CFAP52: variants seen among roughly 807,000 people sequenced by gnomAD.
CFAP52 encodes cilia- and flagella-associated protein 52.
In CFAP52, 57 loss-of-function variants were observed where a neutral mutation model predicts 70.5. The observed-to-expected ratio is 0.81, with a 90% confidence interval of 0.65 to 1.01. CFAP52 has a LOEUF of 1.01. CFAP52 is among the 50% of genes least tolerant of loss of function. The pLI is 0.00. For missense variants in CFAP52, 785 were observed against 788.5 expected (o/e 1.00, Z 0.05); for synonymous variants, 267 against 292.5 (o/e 0.91, Z 0.89).
rs570753117 is a variant in CFAP52 at position 9,598,519 on chromosome 17, T to G, written c.636+186T>G. ...GCTCACGCCTGTAATCCCAGCATTT[T>G]GGGAGGCGGAGGTGGGTGAATCACT... On this transcript the variant is annotated intron_variant, in intron 5 of 13. Coordinates refer to ENST00000352665, the MANE Select transcript of CFAP52 (RefSeq NM_145054.5). 1.6e-3 allele frequency: 691 copies of G among 444,634 alleles called. 4 individuals carry two copies. The highest frequency in any genetic ancestry group is 0.012 in the African/African-American group (608 of 49,806). The allele number at this position is 444,634 out of a possible 1,614,324, so 27.5% of individuals were successfully genotyped here.
At chr17:9,595,092 C>T (rs1240462198) in intron 4 of CFAP52, among the ~76,000 whole-genome samples, 1 of 152,020 alleles carries the variant, frequency 6.6e-6, no homozygotes, top group Non-Finnish European at 1.5e-5. Context: ...GGTTTCACCA[C>T]ATTGGCCGGG....
At chr17:9,590,112 CT>C in intron 3 of CFAP52, 1 of 203,900 alleles carries the variant, frequency 4.9e-6, no homozygotes, top group South Asian at 1.0e-4. Context: ...TCCCCTCCAC[CT>C]TCAGGTACAA....
chr17:9,588,763 C>T (rs1446400741), intron 3 of CFAP52, among the ~76,000 whole-genome samples: 2 of 127,282 alleles, frequency 1.6e-5, no homozygotes, highest in Non-Finnish European at 3.1e-5. Flanking sequence ...ATTTTTTAGC[C>T]ACAGAAAAGA....
chr17:9,631,086 A>AAGAAAGAAAGAAAGAAAGAAAGAAAG (rs1567635059), intron 9 of CFAP52, among the ~76,000 whole-genome samples: 9 of 138,030 alleles, frequency 6.5e-5, no homozygotes, highest in Admixed American at 5.4e-4. Context: ...AAGAAAGAGA[A>AAGAAAGAAAGAAAGAAAGAAAGAAAG]AGAAAGAAAG....
Position 9,585,526 on chromosome 17 carries a change from CCAGG to C in CFAP52, c.71-246_71-243del. Among the ~76,000 whole-genome samples the C allele has an allele frequency of 3.3e-5, 5 of 152,158 alleles. No individual in the cohort carries two copies. In the South Asian group the frequency reaches 1.0e-3, roughly 31 times the overall value. On this transcript the variant is annotated intron_variant, in intron 1 of 13. Transcript: ENST00000352665. ...TACTAAAAATACAAAAAAAAATTAG[CCAGG>C]TGTGGTGGCGGGTGCCTGTAATCCC... is the stretch of plus-strand genomic sequence containing the variant.
chr17:9,636,088 C>A (rs551589859), intron 11 of CFAP52, among the ~76,000 whole-genome samples: 1 of 151,716 alleles, frequency 6.6e-6, no homozygotes, highest in Admixed American at 6.6e-5. Context: ...GCAGGAGAGT[C>A]GCTTGAACCC....
intron 6 of CFAP52, among the ~76,000 whole-genome samples, chr17:9,607,018 C>T (rs555096064): frequency 6.6e-6 from 1 of 152,290 alleles, no homozygotes; most frequent in East Asian, 1.9e-4. Flanking sequence ...AGACACAAAC[C>T]TATACAGTCA....
chr17:9,578,123 A>G (rs1450606089), intron 1 of CFAP52, among the ~76,000 whole-genome samples: 3 of 152,160 alleles, frequency 2.0e-5, no homozygotes, highest in Admixed American at 6.5e-5. Flanking sequence ...ACAAACAAAC[A>G]TACATATTCA....
Position 9,628,729 on chromosome 17 carries a change from A to T in CFAP52, c.1083A>T (p.Thr361=). The change falls in exon 9 of 14, where the codon ACA becomes ACT. Residue 361 remains threonine (T), a synonymous_variant. Coordinates refer to ENST00000352665, the MANE Select transcript of CFAP52 (RefSeq NM_145054.5). The part of the protein sequence containing the change: ...CAKKDIRVWH[T]SSNRELLRIT... ...AGAAGGATATCAGGGTGTGGCACAC[A>T]TCATCCAACAGGGAGCTGCTGCGGA... The T allele has an allele frequency of 1.2e-6, 2 of 1,614,220 alleles. No homozygotes were observed. The highest frequency in any genetic ancestry group is 8.5e-7 in the Non-Finnish European group (1 of 1,180,042).
intron 4 of CFAP52, chr17:9,597,677 C>G (rs778787211): frequency 2.6e-5 from 4 of 152,494 alleles, no homozygotes; most frequent in African/African-American, 9.7e-5. Context: ...GTGGCGGGCA[C>G]CTGTAGTCCC....
intron 3 of CFAP52, among the ~76,000 whole-genome samples, chr17:9,587,204 C>CT (rs745825279): frequency 5.3e-5 from 8 of 152,168 alleles, no homozygotes; most frequent in Non-Finnish European, 8.8e-5. Context: ...TGATCTCATT[C>CT]TTTTTTATGG....
At position 9,576,661 on chromosome 17, in the gene CFAP52, A is replaced by T; in HGVS notation, c.-35A>T. 1 of 1,582,920 alleles carries T rather than the reference A, an allele frequency of 6.3e-7. No individual in the cohort carries two copies. The stretch of plus-strand genomic sequence containing the variant: ...ACGACCAGAAGACGCTGCAGCCACT[A>T]GGGAGGAGAGCAAAGTAATCAGAAC... On this transcript the variant is annotated 5_prime_UTR_variant, in exon 1 of 14. Transcript: ENST00000352665.
intron 7 of CFAP52, among the ~76,000 whole-genome samples, chr17:9,608,918 C>A (rs985767859): frequency 6.6e-6 from 1 of 152,054 alleles, no homozygotes; most frequent in Non-Finnish European, 1.5e-5. Context: ...CACTACCAGA[C>A]AAGATAGGAT....
intron 1 of CFAP52, chr17:9,584,279 C>G: frequency 7.8e-7 from 1 of 1,284,476 alleles, no homozygotes; most frequent in Non-Finnish European, 1.0e-6. Context: ...AACATGGAAG[C>G]AGTAGTGTTA....
Position 9,598,251 on chromosome 17 carries a change from G to A in CFAP52, c.554G>A (p.Trp185Ter), listed in dbSNP as rs2151935273. The A allele has an allele frequency of 6.2e-7, 1 of 1,610,216 alleles. No homozygotes were observed. The highest frequency in any genetic ancestry group is 8.5e-7 in the Non-Finnish European group (1 of 1,178,430). The change falls in exon 5 of 14, where the codon TGG becomes TAG. Residue 185 changes from tryptophan to a stop codon, truncating the protein, a stop_gained. Transcript: ENST00000352665. LOFTEE classifies it high-confidence loss of function. Reference sequence around the variant, plus strand: ...TTACATAGTGGGACAATTCGAGTATGGGAATTGGATCTTCCAAATAGAAAA... The same window carrying A: ...TTACATAGTGGGACAATTCGAGTATAGGAATTGGATCTTCCAAATAGAAAA... ...MTAGNGTIRV[W>*]ELDLPNRKIW...
chr17:9,604,464 C>T (rs1909398966), intron 6 of CFAP52, among the ~76,000 whole-genome samples: 1 of 152,108 alleles, frequency 6.6e-6, no homozygotes, highest in Admixed American at 6.6e-5. Flanking sequence ...GCCACCTCCC[C>T]TAAAGAAGAT....
chr17:9,608,219 A>C lies in CFAP52; in HGVS notation c.854A>C (p.Lys285Thr), dbSNP rs200206387. ...AAAAGCCCTGGCTACAAACCCATCAAGTAAGTTCCGGGTCTCACACAGTGG... is the reference window on the plus strand; with the variant it reads ...AAAAGCCCTGGCTACAAACCCATCACGTAAGTTCCGGGTCTCACACAGTGG... ...FCKSPGYKPI[K>T]KIQLQGGITS... The change falls in exon 7 of 14, where the codon AAG (lysine) becomes ACG (threonine). Residue 285 changes from lysine (K) to threonine (T), a missense_variant and splice_region_variant. Physicochemically the swap from Lys to Thr is moderately conservative, Grantham distance 78. Coordinates refer to ENST00000352665, the MANE Select transcript of CFAP52 (RefSeq NM_145054.5). 1 of 1,604,002 alleles carries C rather than the reference A, an allele frequency of 6.2e-7. No homozygotes were observed. The highest frequency in any genetic ancestry group is 2.2e-5 in the East Asian group (1 of 44,758).
At chr17:9,594,556 G>C (rs1461349867) in intron 4 of CFAP52, 2 of 337,870 alleles carry the variant, frequency 5.9e-6, no homozygotes, top group African/African-American at 4.3e-5. Context: ...CTGCTTAACT[G>C]TTCTCAGGTT....
intron 11 of CFAP52, among the ~76,000 whole-genome samples, chr17:9,637,872 G>C (rs893797635): frequency 6.6e-6 from 1 of 152,136 alleles, no homozygotes; most frequent in Admixed American, 6.5e-5. Flanking sequence ...TGCTGCACTC[G>C]GCCCATAATA....
Sources: gnomAD v4.1 joint callset for allele counts (sites outside exome capture counted in the v4.1 genomes callset) on GRCh38, gnomAD v4.1.1 for gene constraint, MANE v1.5 for transcripts, NCBI Gene and HGNC (gene_info 2026-07-23, HGNC 2026-07-21) for gene names.